Variants in RPL6 observed in about 807,000 individuals in gnomAD.
The protein encoded by RPL6 is large ribosomal subunit protein eL6.
Under a neutral mutation model 32.1 loss-of-function variants are expected in RPL6, and 1 was observed. The observed-to-expected ratio is 0.03, with a 90% CI of 0.01 to 0.15. RPL6 has a LOEUF of 0.15. RPL6 is among the 10% of genes least tolerant of loss of function. The pLI is 1.00. For missense variants in RPL6, 275 were observed against 354.6 expected, an observed-to-expected ratio of 0.78 and a Z score of 1.80; for synonymous variants, 126 against 131.6, an observed-to-expected ratio of 0.96 and a Z score of 0.29.
rs531494048 is a variant in RPL6, at chr12:112,409,577, C to A, written c.-1+10G>T. 2.5e-6 allele frequency: 1 copy of A among 398,524 alleles called. No individual in the cohort carries two copies. Among genetic ancestry groups the A allele is most frequent in the South Asian group, 1.3e-4 (1 of 7,860 alleles). The allele number at this position is 398,524 out of a possible 1,614,324, so 24.7% of individuals were successfully genotyped here. A position where few individuals can be genotyped will look rare whatever the true frequency, so the allele number is the denominator to read the frequency against. On this transcript the variant is annotated intron_variant, in intron 1 of 6. Coordinates refer to ENST00000202773, the MANE Select transcript of RPL6 (RefSeq NM_000970.6). ...AACTCAAGTCTTGCAGACAGGCCCG[C>A]GATTCTTACCTTGCAAGATGGGAAA...
intron 1 of RPL6, among the ~76,000 whole-genome samples, chr12:112,415,563 A>C (rs145784773): frequency 1.0e-3 from 154 of 152,110 alleles, no homozygotes; most frequent in African/African-American, 3.5e-3. Flanking sequence ...AGATACAAAA[A>C]AAATTAGCTG....
At chr12:112,413,749 G>T (rs577601251), upstream of RPL6, among the ~76,000 whole-genome samples, 9 of 151,988 alleles carry the variant, frequency 5.9e-5, no homozygotes, top group Admixed American at 5.9e-4. Flanking sequence ...AGACCGGCCG[G>T]ACATGGTAGC....
intron 1 of RPL6, 182 bp from the exon 2 acceptor site, chr12:112,408,838 G>A (rs2037265873): frequency 1.7e-6 from 1 of 605,870 alleles, no homozygotes; most frequent in Non-Finnish European, 2.8e-6. Context: ...GACTCATTTG[G>A]GGTTTGTCTC....
chr12:112,410,336 G>T, upstream of RPL6: 1 of 294,142 alleles, frequency 3.4e-6, no homozygotes, highest in South Asian at 3.8e-5. Context: ...TTTAGCGGCT[G>T]ACTACTTCCT....
chr12:112,409,193 G>A (rs2037281206), intron 1 of RPL6: 1 of 349,020 alleles, frequency 2.9e-6, no homozygotes, highest in Non-Finnish European at 5.1e-6. Flanking sequence ...GACGCTGGGA[G>A]ACGCGAAACC....
intron 4 of RPL6, 116 bp downstream of exon 4, chr12:112,406,631 T>C: frequency 7.3e-7 from 1 of 1,361,838 alleles, no homozygotes; most frequent in African/African-American, 1.5e-5. Flanking sequence ...TGCAGATCAT[T>C]TCCCCTTGCC....
intron 1 of RPL6, chr12:112,408,867 T>C (rs1566144522): frequency 2.0e-6 from 1 of 511,542 alleles, no homozygotes; most frequent in East Asian, 3.1e-5. Flanking sequence ...ACTATAAACT[T>C]TTTTTTTGAG....
chr12:112,418,588 G>T (rs1055895184), intron 1 of RPL6: 2 of 241,154 alleles, frequency 8.3e-6, no homozygotes, highest in African/African-American at 4.4e-5. Context: ...GGAAACCGAG[G>T]CTCGGAGACA....
intron 4 of RPL6, 124 bp downstream of exon 4, chr12:112,406,623 C>A: frequency 7.8e-7 from 1 of 1,283,198 alleles, no homozygotes; most frequent in Non-Finnish European, 1.1e-6. Flanking sequence ...TTGTATCTTG[C>A]AGATCATTTC....
chr12:112,409,598 G>T lies in RPL6; in HGVS notation c.-12C>A. ...CCCGCGATTCTTACCTTGCAAGATG[G>T]GAAAGAGAATTAAGGTCCCGGCTTC... On this transcript the variant is annotated 5_prime_UTR_variant, in exon 1 of 7. Transcript: ENST00000202773. 1 of 398,438 alleles carries T rather than the reference G, an allele frequency of 2.5e-6. No individual in the cohort carries two copies. The highest frequency in any genetic ancestry group is 3.6e-5 in the East Asian group (1 of 28,070). 24.7% of individuals were successfully genotyped at this position (398,438 alleles called of 1,614,324 possible).
chr12:112,417,904 C>T (rs1186958521), intron 1 of RPL6, among the ~76,000 whole-genome samples: 2 of 151,776 alleles, frequency 1.3e-5, no homozygotes, highest in African/African-American at 2.4e-5. Flanking sequence ...GCGATTCGCC[C>T]GCCTCAGCCT....
intron 5 of RPL6, 106 bp from the exon 6 acceptor site, chr12:112,406,143 C>T (rs2037159442): frequency 1.6e-6 from 2 of 1,230,564 alleles, no homozygotes; most frequent in Non-Finnish European, 2.3e-6. Context: ...GACCACTTGT[C>T]TAACCCACTT....
At chr12:112,407,106 G>A in intron 3 of RPL6, 2 of 489,774 alleles carry the variant, frequency 4.1e-6, no homozygotes, top group Non-Finnish European at 7.3e-6. Context: ...TAATGAATGA[G>A]ATGTGTGCTC....
At chr12:112,408,996 G>C in intron 1 of RPL6, 1 of 297,346 alleles carries the variant, frequency 3.4e-6, no homozygotes, top group Non-Finnish European at 6.2e-6. Flanking sequence ...TGCAGAATGT[G>C]TCCACAGGTT....
At chr12:112,416,231 C>T in intron 1 of RPL6, among the ~76,000 whole-genome samples, 1 of 150,548 alleles carries the variant, frequency 6.6e-6, no homozygotes, top group East Asian at 2.0e-4. Context: ...GCTCCACCTC[C>T]TGGGTTCACG....
chr12:112,412,810 G>C (rs1457426580), upstream of RPL6, among the ~76,000 whole-genome samples: 1 of 152,022 alleles, frequency 6.6e-6, no homozygotes, highest in Non-Finnish European at 1.5e-5. Context: ...TGTAATTCCA[G>C]CTACTTGGGA....
In RPL6 at chr12:112,405,318, A is replaced by G; in HGVS notation, c.773T>C (p.Leu258Ser). The G allele has an allele frequency of 6.2e-7, 1 of 1,611,358 alleles. No individual in the cohort carries two copies. The change falls in exon 7 of 7, where the codon TTA (leucine) becomes TCA (serine). Residue 258 changes from leucine (L) to serine (S), a missense_variant. Physicochemically the swap from Leu to Ser is moderately radical, Grantham distance 145. Coordinates refer to ENST00000202773, the MANE Select transcript of RPL6 (RefSeq NM_000970.6). The stretch of plus-strand genomic sequence containing the variant: ...CTGAGGAATAGCTTTGATTTTTGGT[A>G]AAATTTGTGAGTCCACAGCTTTCTG... The part of the protein sequence containing the change: ...IDQKAVDSQI[L>S]PKIKAIPQLQ...
At chr12:112,405,611 A>T in intron 6 of RPL6, 1 of 611,646 alleles carries the variant, frequency 1.6e-6, no homozygotes. Context: ...AAGTAAGGGC[A>T]CATTCCCAAT....
At chr12:112,407,577 G>C (rs2037210476) in intron 3 of RPL6, 1 of 152,898 alleles carries the variant, frequency 6.5e-6, no homozygotes, top group Non-Finnish European at 1.5e-5. Context: ...ACTTATTTGG[G>C]AATGTTCCCA....
Sources: gnomAD v4.1 joint callset for allele counts (sites outside exome capture counted in the v4.1 genomes callset) on GRCh38, gnomAD v4.1.1 for gene constraint, MANE v1.5 for transcripts, NCBI Gene and HGNC (gene_info 2026-07-23, HGNC 2026-07-21) for gene names.